The following ERFL variants were observed in gnomAD, a reference collection of about 807,000 sequenced individuals.
ERFL encodes ETS domain-containing transcription factor ERF-like.
Under a neutral mutation model 27.9 loss-of-function variants are expected in ERFL, and 8 were observed. The ratio of observed to expected loss-of-function variants is 0.29; its 90% CI spans 0.17 to 0.52. The LOEUF is 0.52. Among genes scored for constraint, ERFL ranks in the 20% least tolerant of loss-of-function variants. The pLI is 0.97. For synonymous variants in ERFL, 174 were observed against 202.8 expected (o/e 0.86, Z 1.21); for missense variants, 294 against 444.4 (o/e 0.66, Z 3.04).
rs2074743000 is a variant in ERFL, at chr19:41,909,937, A to G, written c.228T>C (p.Asp76=). The G allele has an allele frequency of 6.2e-7, 1 of 1,613,942 alleles. No homozygotes were observed. Among genetic ancestry groups the G allele is most frequent in the South Asian group, 1.1e-5 (1 of 91,076 alleles). Residue 76 remains aspartate, a synonymous_variant, in exon 3 of 6, where the codon GAT becomes GAC. Coordinates refer to ENST00000597630, the MANE Select transcript of ERFL (RefSeq NM_001365103.2). This position sits in a 1 kb window ranked among gnomAD's most constrained non-coding sequence, Gnocchi z 5.2. ...GAATACCCCACAGCCGGGCCACCTC[A>G]TCGGGGTCTTTGATGACGAATTCCC... The part of the protein sequence containing the change: ...DYGEFVIKDP[D]EVARLWGIRK...
At chr19:41,912,978 GAC>G (rs2074762806) in intron 1 of ERFL, 46 bp from the exon 2 acceptor site, 1 of 911,816 alleles carries the variant, frequency 1.1e-6, no homozygotes, top group South Asian at 5.5e-5. Flanking sequence ...GGGCAGGAGA[GAC>G]AGACACAGGT....
chr19:41,918,357 C>G (rs1034906077), intron 1 of ERFL, among the ~76,000 whole-genome samples: 5 of 150,974 alleles, frequency 3.3e-5, no homozygotes, highest in African/African-American at 1.2e-4. Flanking sequence ...ACACCATACA[C>G]ACACCATACC....
At chr19:41,911,435 C>T (rs894012190) in intron 2 of ERFL, among the ~76,000 whole-genome samples, 6 of 152,180 alleles carry the variant, frequency 3.9e-5, no homozygotes, top group South Asian at 2.1e-4. Context: ...CCAGCATCGC[C>T]GTGTCCACTT....
chr19:41,911,474 C>T (rs1281332455), intron 2 of ERFL, among the ~76,000 whole-genome samples: 1 of 152,230 alleles, frequency 6.6e-6, no homozygotes, highest in African/African-American at 2.4e-5. Flanking sequence ...GGTCCTTACC[C>T]TCTCTGGTTT....
intron 2 of ERFL, among the ~76,000 whole-genome samples, chr19:41,912,437 G>T (rs1449775351): frequency 1.3e-5 from 2 of 152,192 alleles, no homozygotes; most frequent in Non-Finnish European, 2.9e-5. Context: ...GTGCCTGCAC[G>T]TACCCCTGAC....
intron 2 of ERFL, among the ~76,000 whole-genome samples, chr19:41,911,540 G>T (rs1555851253): frequency 6.6e-6 from 1 of 152,220 alleles, no homozygotes; most frequent in East Asian, 1.9e-4. Context: ...GCTGCCTGGT[G>T]TAGAAAAGTG....
Position 41,909,542 on chromosome 19 carries a change from C to T in ERFL, c.303-71G>A, listed in dbSNP as rs560775729. 21 of 1,100,952 alleles carry T rather than the reference C, an allele frequency of 1.9e-5. No homozygotes were observed. Among genetic ancestry groups the T allele is most frequent in the South Asian group, 1.5e-4 (4 of 26,002 alleles). The allele number at this position is 1,100,952 out of a possible 1,614,324, so 68.2% of individuals were successfully genotyped here. ...GGGCGGGATCTGGGGTTTCTTAATG[C>T]GTGTGCTGTCCCAGGCATGGTGCAC... On this transcript the variant is annotated intron_variant, in intron 3 of 5. Transcript: ENST00000597630. The surrounding 1 kb of genome is among the most constrained non-coding windows in gnomAD (Gnocchi z 5.2).
chr19:41,925,490 G>A (rs997554123), intron 1 of ERFL, among the ~76,000 whole-genome samples: 1 of 152,158 alleles, frequency 6.6e-6, no homozygotes, highest in Non-Finnish European at 1.5e-5. Context: ...GAGAGGCAAA[G>A]ACAGTGCAAG....
chr19:41,924,207 G>A (rs1555853044), intron 1 of ERFL, among the ~76,000 whole-genome samples: 3 of 151,924 alleles, frequency 2.0e-5, no homozygotes, highest in African/African-American at 2.4e-5. Context: ...GTGGATAGGT[G>A]TGTCTGTGGA....
chr19:41,916,143 A>G lies in ERFL; in HGVS notation c.-13-3211T>C, dbSNP rs1555851939. ...CTCCTCCCTTCTCTCCCTGCCAAGC[A>G]CAACCACACAGACCCACACACCAAC... On this transcript the variant is annotated intron_variant, in intron 1 of 5. Coordinates refer to ENST00000597630, the MANE Select transcript of ERFL (RefSeq NM_001365103.2). The surrounding 1 kb of genome is among the most constrained non-coding windows in gnomAD (Gnocchi z 5.4). 6.6e-6 allele frequency among the ~76,000 whole-genome samples: 1 copy of G among 151,518 alleles called. No individual in the cohort carries two copies. The highest frequency in any genetic ancestry group is 2.4e-5 in the African/African-American group (1 of 41,120).
Position 41,909,201 on chromosome 19 carries a change from G to A in ERFL, c.499-24C>T, listed in dbSNP as rs930036343. The A allele has an allele frequency of 6.3e-5, 78 of 1,229,936 alleles. No homozygotes were observed. In the East Asian group the frequency reaches 1.5e-3, roughly 24 times the overall value. The allele number at this position is 1,229,936 out of a possible 1,614,324, so 76.2% of individuals were successfully genotyped here. A position where few individuals can be genotyped will look rare whatever the true frequency, so the allele number is the denominator to read the frequency against. On this transcript the variant is annotated intron_variant, in intron 4 of 5. Transcript: ENST00000597630. This position sits in a 1 kb window ranked among gnomAD's most constrained non-coding sequence, Gnocchi z 5.2. The stretch of plus-strand genomic sequence containing the variant: ...GTCTAGAGAGGGAGTGGGAGAAGCC[G>A]CCCTTCTCAGACTGTCCCCTCCCCA...
At chr19:41,920,167 T>TCA (rs143191386) in intron 1 of ERFL, among the ~76,000 whole-genome samples, 23,714 of 101,782 alleles carry the variant, frequency 0.23, 5,659 homozygotes, top group African/African-American at 0.63. Context: ...CATGATGCAC[T>TCA]CAGACATGAC....
chr19:41,914,815 A>ACCATCTCTGTCT, intron 1 of ERFL, among the ~76,000 whole-genome samples: 1 of 5,250 alleles, frequency 1.9e-4, no homozygotes, highest in Admixed American at 2.3e-3. Context: ...CTCCCCCTCC[A>ACCATCTCTGTCT]CCGTGTCTCC....
rs2074804445 is a variant in ERFL, at chr19:41,916,814, A to T, written c.-13-3882T>A. On this transcript the variant is annotated intron_variant, in intron 1 of 5. Coordinates refer to ENST00000597630, the MANE Select transcript of ERFL (RefSeq NM_001365103.2). This position sits in a 1 kb window ranked among gnomAD's most constrained non-coding sequence, Gnocchi z 5.4. ...GACACAGTCACAATCACACACACAC[A>T]CCAAGATCACGGACCCAAACATACG... Among the ~76,000 whole-genome samples the T allele has an allele frequency of 6.6e-6, 1 of 151,540 alleles. No individual in the cohort carries two copies. The highest frequency in any genetic ancestry group is 1.5e-5 in the Non-Finnish European group (1 of 67,998).
intron 2 of ERFL, among the ~76,000 whole-genome samples, chr19:41,911,973 T>C (rs1225421327): frequency 1.4e-5 from 2 of 144,730 alleles, no homozygotes; most frequent in Non-Finnish European, 3.0e-5. Context: ...CAGGGATGCA[T>C]CCCCCCCACA....
chr19:41,922,874 C>G (rs537022917), intron 1 of ERFL, among the ~76,000 whole-genome samples: 1 of 152,328 alleles, frequency 6.6e-6, no homozygotes, highest in Admixed American at 6.5e-5. Flanking sequence ...CGATCCCTGT[C>G]CCCAGCCCCA....
At position 41,917,499 on chromosome 19, in the gene ERFL, A is replaced by C. The variant is rs554843225; in HGVS notation, c.-13-4567T>G. On this transcript the variant is annotated intron_variant, in intron 1 of 5. Coordinates refer to ENST00000597630, the MANE Select transcript of ERFL (RefSeq NM_001365103.2). The surrounding 1 kb of genome is among the most constrained non-coding windows in gnomAD (Gnocchi z 4.8). The stretch of plus-strand genomic sequence containing the variant: ...GGCCCCCCCATCCCCACCTCCCCTT[A>C]ACACAATCTGCACAATCGGAATGAA... Among the ~76,000 whole-genome samples, 3 of 124,768 alleles carry C rather than the reference A, an allele frequency of 2.4e-5. No individual in the cohort carries two copies. Among genetic ancestry groups the C allele is most frequent in the Non-Finnish European group, 4.8e-5 (3 of 61,976 alleles). The allele number at this position is 124,768 out of a possible 152,430, so 81.9% of individuals were successfully genotyped here.
intron 1 of ERFL, chr19:41,923,019 C>T (rs953863601): frequency 1.0e-5 from 4 of 396,308 alleles, no homozygotes; most frequent in Non-Finnish European, 2.0e-5. Flanking sequence ...AGGGAAGAGG[C>T]GGGAGGGGGC....
rs553681051 is a variant in ERFL, at chr19:41,917,351, A to C, written c.-13-4419T>G. Among the ~76,000 whole-genome samples, 51 of 151,170 alleles carry C rather than the reference A, an allele frequency of 3.4e-4. No homozygotes were observed. Among genetic ancestry groups the C allele is most frequent in the Non-Finnish European group, 6.8e-4 (46 of 67,822 alleles). ...CTCTGCCTCTGTCTCCTAACGCCCC[A>C]TCACCACGCCCCCCTGGGCTGGGGT... is the stretch of plus-strand genomic sequence containing the variant. On this transcript the variant is annotated intron_variant, in intron 1 of 5. Transcript: ENST00000597630. The surrounding 1 kb of genome is among the most constrained non-coding windows in gnomAD (Gnocchi z 4.8).
Sources: gnomAD v4.1 joint callset for allele counts (sites outside exome capture counted in the v4.1 genomes callset) on GRCh38, gnomAD v4.1.1 for gene constraint, Gnocchi (gnomAD v3.1) non-coding constraint, MANE v1.5 for transcripts, NCBI Gene and HGNC (gene_info 2026-07-23, HGNC 2026-07-21) for gene names.